The following CADPS2 variants were observed in gnomAD, a reference collection of about 807,000 sequenced individuals.
CADPS2 encodes calcium dependent secretion activator 2.
CADPS2 carries 93 observed loss-of-function variants against 172.5 expected under a neutral mutation model. That is an observed-to-expected ratio of 0.54 (90% CI 0.46 to 0.64). The LOEUF (loss-of-function observed/expected upper bound fraction) is 0.64. Ranked by LOEUF, CADPS2 falls within the 30% of genes least tolerant of loss-of-function variation. The pLI is 0.00. For synonymous variants in CADPS2, 546 were observed against 555.2 expected (o/e 0.98, Z 0.23); for missense variants, 1,420 against 1,565.9 (o/e 0.91, Z 1.57).
At chr7:122,798,527 A>G (rs994819811) in intron 1 of CADPS2, among the ~76,000 whole-genome samples, 1 of 152,214 alleles carries the variant, frequency 6.6e-6, no homozygotes, top group African/African-American at 2.4e-5. Context: ...TACAAAGCCA[A>G]CAAAAGGTTA....
intron 5 of CADPS2, among the ~76,000 whole-genome samples, chr7:122,616,737 G>A (rs910830249): frequency 6.6e-6 from 1 of 152,088 alleles, no homozygotes; most frequent in African/African-American, 2.4e-5. Flanking sequence ...GGGAAATTGG[G>A]ATGAAATACT....
chr7:122,837,233 A>G (rs1340494169), intron 1 of CADPS2, among the ~76,000 whole-genome samples: 5 of 152,112 alleles, frequency 3.3e-5, no homozygotes, highest in African/African-American at 9.7e-5. Flanking sequence ...AAACCAATGA[A>G]AACAAAGACA....
intron 1 of CADPS2, among the ~76,000 whole-genome samples, chr7:122,883,376 A>G (rs908490817): frequency 1.3e-5 from 2 of 152,158 alleles, no homozygotes; most frequent in Non-Finnish European, 2.9e-5. Context: ...TAAATTCTTG[A>G]AGTTGAGAGA....
chr7:122,666,042 T>G (rs2081157730), intron 2 of CADPS2, among the ~76,000 whole-genome samples: 1 of 62,084 alleles, frequency 1.6e-5, no homozygotes. Context: ...CAACCTCATC[T>G]AATCACTCAT....
intron 1 of CADPS2, among the ~76,000 whole-genome samples, chr7:122,823,980 C>T (rs1354145459): frequency 6.6e-6 from 1 of 152,148 alleles, no homozygotes; most frequent in Admixed American, 6.5e-5. Flanking sequence ...AATCTTCCAA[C>T]CCCAGTAACT....
At chr7:122,702,042 C>T (rs756809159) in intron 2 of CADPS2, 1 of 1,613,546 alleles carries the variant, frequency 6.2e-7, no homozygotes, top group South Asian at 1.1e-5. Flanking sequence ...TGAAGCTGGT[C>T]AATAGCTTTC....
chr7:122,655,612 A>AAT (rs2079654389), intron 3 of CADPS2, among the ~76,000 whole-genome samples: 1 of 152,136 alleles, frequency 6.6e-6, no homozygotes, highest in South Asian at 2.1e-4. Context: ...AAATAAAAAA[A>AAT]AATTGTGTGA....
chr7:122,774,855 T>C (rs962918900), intron 1 of CADPS2, among the ~76,000 whole-genome samples: 1 of 152,154 alleles, frequency 6.6e-6, no homozygotes, highest in Non-Finnish European at 1.5e-5. Context: ...ACATTACCTT[T>C]TTAATAAGAT....
intron 28 of CADPS2, among the ~76,000 whole-genome samples, chr7:122,338,219 A>C (rs1396652773): frequency 2.6e-5 from 4 of 152,160 alleles, no homozygotes; most frequent in Admixed American, 2.6e-4. Flanking sequence ...CAACGTGGTG[A>C]AACCCTGTCT....
intron 6 of CADPS2, among the ~76,000 whole-genome samples, chr7:122,588,431 C>T (rs2070144354): frequency 6.6e-6 from 1 of 151,954 alleles, no homozygotes; most frequent in Non-Finnish European, 1.5e-5. Context: ...ACCAGTTTCC[C>T]CAGTATCATT....
At position 122,320,350 on chromosome 7, in the gene CADPS2, A is replaced by G; in HGVS notation, c.3718-12T>C. ...TCCCTGTAGGTTTTCTGAAGAAAGA[A>G]GATAAAATTTGCTTAGCTCACTTAG... On this transcript the variant is annotated splice_polypyrimidine_tract_variant and intron_variant, in intron 29 of 29. Coordinates refer to ENST00000449022, the MANE Select transcript of CADPS2 (RefSeq NM_017954.11). 1 of 1,585,060 alleles carries G rather than the reference A, an allele frequency of 6.3e-7. No homozygotes were observed. Among genetic ancestry groups the G allele is most frequent in the Non-Finnish European group, 8.6e-7 (1 of 1,165,384 alleles).
chr7:122,630,107 T>A (rs527336933), intron 3 of CADPS2, among the ~76,000 whole-genome samples: 1 of 152,318 alleles, frequency 6.6e-6, no homozygotes, highest in Non-Finnish European at 1.5e-5. Flanking sequence ...GTGTTAATTT[T>A]CTCTTGACTT....
chr7:122,529,794 G>A (rs1022883567), intron 8 of CADPS2, among the ~76,000 whole-genome samples: 2 of 152,062 alleles, frequency 1.3e-5, no homozygotes, highest in African/African-American at 4.8e-5. Flanking sequence ...ACATTCCTGG[G>A]TATGAGGTTT....
At chr7:122,749,961 TAAAA>T (rs34910927) in intron 1 of CADPS2, among the ~76,000 whole-genome samples, 3 of 133,936 alleles carry the variant, frequency 2.2e-5, no homozygotes, top group Non-Finnish European at 3.2e-5. Flanking sequence ...CCTGTGAGGT[TAAAA>T]AAAAAAAAAA....
At chr7:122,519,054 A>G (rs560281601) in intron 8 of CADPS2, among the ~76,000 whole-genome samples, 3 of 151,348 alleles carry the variant, frequency 2.0e-5, no homozygotes, top group East Asian at 3.9e-4. Context: ...GCCATGCTAC[A>G]TTCTCCAGTA....
At chr7:122,540,553 G>A (rs1477727394) in intron 8 of CADPS2, among the ~76,000 whole-genome samples, 1 of 151,980 alleles carries the variant, frequency 6.6e-6, no homozygotes, top group Non-Finnish European at 1.5e-5. Context: ...AATAAATGTA[G>A]AATGACACTT....
intron 3 of CADPS2, among the ~76,000 whole-genome samples, chr7:122,649,934 G>T: frequency 3.5e-5 from 1 of 28,696 alleles, no homozygotes; most frequent in Non-Finnish European, 6.5e-5. Context: ...TTTTGAGAGA[G>T]TCTCACTTTG....
At chr7:122,438,999 G>C (rs1219269997) in intron 16 of CADPS2, among the ~76,000 whole-genome samples, 1 of 151,768 alleles carries the variant, frequency 6.6e-6, no homozygotes, top group Non-Finnish European at 1.5e-5. Flanking sequence ...TGAATACCAC[G>C]GCAGTGTATT....
chr7:122,560,303 C>A (rs1587299906), intron 7 of CADPS2, among the ~76,000 whole-genome samples: 1 of 152,142 alleles, frequency 6.6e-6, no homozygotes, highest in South Asian at 2.1e-4. Flanking sequence ...ATGGATAAAA[C>A]CAGTAATTAT....
Sources: gnomAD v4.1 joint callset for allele counts (sites outside exome capture counted in the v4.1 genomes callset) on GRCh38, gnomAD v4.1.1 for gene constraint, MANE v1.5 for transcripts, NCBI Gene and HGNC (gene_info 2026-07-23, HGNC 2026-07-21) for gene names.